The following TDP1 variants were observed in gnomAD, a reference collection of about 807,000 sequenced individuals.
The protein encoded by TDP1 is tyrosyl-DNA phosphodiesterase 1.
TDP1 carries 64 observed loss-of-function variants against 81.5 expected under a neutral mutation model. That is an observed-to-expected ratio of 0.79 (90% CI 0.64 to 0.97). TDP1 has a LOEUF of 0.97. Ranked by LOEUF, TDP1 falls within the 50% of genes least tolerant of loss-of-function variation. The probability of loss-of-function intolerance (pLI) is 0.00; values close to 1 mark genes in which losing one functional copy is unlikely to be tolerated. For synonymous variants in TDP1, 256 were observed against 264.3 expected, an observed-to-expected ratio of 0.97 and a Z score of 0.30; for missense variants, 723 against 743.8, an observed-to-expected ratio of 0.97 and a Z score of 0.33.
intron 14 of TDP1, among the ~76,000 whole-genome samples, chr14:90,017,877 C>T (rs556182805): frequency 2.0e-5 from 3 of 152,288 alleles, no homozygotes; most frequent in South Asian, 2.1e-4. Flanking sequence ...GTCTCAACGA[C>T]GTTATAGACA....
chr14:89,960,223 T>TA (rs1303091367), intron 2 of TDP1, among the ~76,000 whole-genome samples: 2 of 152,196 alleles, frequency 1.3e-5, no homozygotes, highest in Non-Finnish European at 2.9e-5. Flanking sequence ...TAAATACCCC[T>TA]ATCCAGCAAC....
intron 16 of TDP1, 140 bp from the exon 17 acceptor site, chr14:90,042,930 G>A: frequency 6.5e-7 from 1 of 1,541,078 alleles, no homozygotes; most frequent in African/African-American, 1.4e-5. Flanking sequence ...TCTGAAGGGG[G>A]AGAATCTTCT....
intron 6 of TDP1, 36 bp downstream of exon 6, chr14:89,971,307 T>G (rs1328469681): frequency 6.6e-7 from 1 of 1,520,938 alleles, no homozygotes; most frequent in Admixed American, 1.7e-5. Context: ...GCACGCGTAG[T>G]CTGAGTTAGA....
At position 89,980,628 on chromosome 14, in the gene TDP1, C is replaced by G. The variant is rs1337436515; in HGVS notation, c.880C>G (p.Gln294Glu). Residue 294 changes from glutamine (Q) to glutamate (E), a missense_variant, in exon 8 of 17, where the codon CAA (glutamine) becomes GAA (glutamate). Coordinates refer to ENST00000335725, the MANE Select transcript of TDP1 (RefSeq NM_018319.4). ...CCATGCTGACTGGCACCAGAAAACT[C>G]AAGGGTTCGTAGGGGCCTGCTCACT... Reference protein sequence around the residue: ...LIHADWHQKTQGIWLSPLYPR... With the variant: ...LIHADWHQKTEGIWLSPLYPR... The G allele has an allele frequency of 2.5e-6, 4 of 1,613,974 alleles. No homozygotes were observed. Among genetic ancestry groups the G allele is most frequent in the Non-Finnish European group, 3.4e-6 (4 of 1,179,872 alleles).
chr14:90,022,717 T>C (rs1490081445), intron 15 of TDP1: 5 of 983,524 alleles, frequency 5.1e-6, no homozygotes, highest in Non-Finnish European at 6.0e-6. Context: ...ACATCTATGT[T>C]GTCTACTGAT....
At chr14:90,027,049 T>G (rs1440851194) in intron 15 of TDP1, among the ~76,000 whole-genome samples, 1 of 152,236 alleles carries the variant, frequency 6.6e-6, no homozygotes, top group African/African-American at 2.4e-5. Context: ...TCTTCCACAA[T>G]GGTTGAACTA....
chr14:89,975,440 T>A (rs1201906829), intron 6 of TDP1: 1 of 985,150 alleles, frequency 1.0e-6, no homozygotes, highest in African/African-American at 1.7e-5. Context: ...AAGCCAAATA[T>A]CTAAAACTTT....
intron 7 of TDP1, 67 bp from the exon 8 acceptor site, chr14:89,980,473 C>T: frequency 6.7e-7 from 1 of 1,501,170 alleles, no homozygotes; most frequent in South Asian, 1.1e-5. Context: ...ATTACATTTG[C>T]ATTGGAAAGG....
intron 10 of TDP1, among the ~76,000 whole-genome samples, chr14:89,985,958 C>T (rs1430246535): frequency 3.3e-5 from 5 of 152,152 alleles, no homozygotes; most frequent in African/African-American, 2.4e-5. Flanking sequence ...ACCCGGGAGG[C>T]GGAGATTGCA....
At chr14:90,033,056 T>C in intron 15 of TDP1, 50 bp from the exon 16 acceptor site, 1 of 1,312,274 alleles carries the variant, frequency 7.6e-7, no homozygotes, top group Non-Finnish European at 1.1e-6. Context: ...TTTTTTTTTT[T>C]AAACCCAGAA....
At chr14:90,011,606 A>G (rs963361339) in intron 14 of TDP1, among the ~76,000 whole-genome samples, 5 of 152,202 alleles carry the variant, frequency 3.3e-5, no homozygotes, top group African/African-American at 9.6e-5. Flanking sequence ...GACTCTTCCT[A>G]TGTTTTATCA....
intron 2 of TDP1, among the ~76,000 whole-genome samples, chr14:89,957,349 A>G (rs1379987675): frequency 2.0e-5 from 3 of 152,232 alleles, no homozygotes. Context: ...ATAGCTGCCC[A>G]GTAAGTTATT....
chr14:89,988,615 AT>A, intron 10 of TDP1: 1 of 981,966 alleles, frequency 1.0e-6, no homozygotes, highest in Non-Finnish European at 1.2e-6. Context: ...TTTATCTGAA[AT>A]TTCTTCTGAA....
intron 14 of TDP1, among the ~76,000 whole-genome samples, chr14:90,009,096 TGTC>T (rs1884388701): frequency 6.6e-6 from 1 of 152,244 alleles, no homozygotes. Context: ...TATTTTCTGT[TGTC>T]TTGCTCATGA....
intron 14 of TDP1, among the ~76,000 whole-genome samples, chr14:90,008,208 C>T (rs1442549501): frequency 6.6e-6 from 1 of 152,196 alleles, no homozygotes; most frequent in African/African-American, 2.4e-5. Flanking sequence ...TTCCTTCTTG[C>T]AACTCTTATG....
intron 14 of TDP1, among the ~76,000 whole-genome samples, chr14:89,995,139 T>C (rs1015128545): frequency 6.6e-6 from 1 of 152,264 alleles, no homozygotes; most frequent in African/African-American, 2.4e-5. Context: ...CTTCTAGTTT[T>C]ATTCTGTAAT....
intron 2 of TDP1, among the ~76,000 whole-genome samples, chr14:89,962,185 T>C (rs889786710): frequency 6.6e-6 from 1 of 152,162 alleles, no homozygotes; most frequent in Non-Finnish European, 1.5e-5. Context: ...ATGTAGCCAA[T>C]AGGATAATTA....
At chr14:90,007,094 A>G (rs1209680665) in intron 14 of TDP1, among the ~76,000 whole-genome samples, 2 of 152,064 alleles carry the variant, frequency 1.3e-5, no homozygotes, top group South Asian at 2.1e-4. Flanking sequence ...ACAGTTACCC[A>G]TAAGTTTACT....
chr14:90,032,431 C>T (rs536330153), intron 15 of TDP1, among the ~76,000 whole-genome samples: 1 of 152,046 alleles, frequency 6.6e-6, no homozygotes, highest in South Asian at 2.1e-4. Flanking sequence ...AGGAGTTGGT[C>T]AATGTATGGA....
Sources: allele counts gnomAD v4.1 joint callset (sites outside exome capture counted in the v4.1 genomes callset), GRCh38; gene constraint gnomAD v4.1.1; transcripts MANE v1.5; gene names NCBI Gene and HGNC (gene_info 2026-07-23, HGNC 2026-07-21).